MLLT10: variants seen among roughly 807,000 people sequenced by gnomAD.
The protein encoded by MLLT10 is MLLT10 histone lysine methyltransferase DOT1L cofactor.
Under a neutral mutation model 129.1 loss-of-function variants are expected in MLLT10, and 30 were observed. The observed-to-expected ratio is 0.23, with a 90% confidence interval of 0.17 to 0.32. The LOEUF is 0.32. MLLT10 is among the 10% of genes least tolerant of loss of function. MLLT10 has a pLI of 1.00. For missense variants in MLLT10, 1,119 were observed against 1,268.3 expected (o/e 0.88, Z 1.79); for synonymous variants, 490 against 446.4 (o/e 1.10, Z -1.23).
At chr10:21,547,460 T>C (rs2036273957) in intron 3 of MLLT10, among the ~76,000 whole-genome samples, 1 of 151,260 alleles carries the variant, frequency 6.6e-6, no homozygotes, top group African/African-American at 2.4e-5. Context: ...GGTCTGGAAC[T>C]CTTGGGCTCA....
intron 5 of MLLT10, among the ~76,000 whole-genome samples, chr10:21,602,110 C>G (rs2043594401): frequency 1.3e-5 from 2 of 152,132 alleles, no homozygotes; most frequent in South Asian, 4.1e-4. Flanking sequence ...GTATAAGCAC[C>G]TGGATTTAGA....
At chr10:21,716,421 G>C (rs765487773) in intron 14 of MLLT10, among the ~76,000 whole-genome samples, 3 of 152,118 alleles carry the variant, frequency 2.0e-5, no homozygotes, top group Non-Finnish European at 4.4e-5. Flanking sequence ...GGCTGGGCGT[G>C]GTGGCTCATG....
At chr10:21,607,472 C>G (rs532447158) in intron 5 of MLLT10, among the ~76,000 whole-genome samples, 2 of 152,098 alleles carry the variant, frequency 1.3e-5, no homozygotes, top group East Asian at 3.9e-4. Context: ...AGGCATGCGT[C>G]ACCACGCTCA....
rs34367086 is a variant in MLLT10, at chr10:21,563,791, GTATTATTAT to G, written c.241-22474_241-22466del. Reference sequence around the variant, plus strand: ...GGCGGGTAGTGATATCTCACTGTGTGTATTATTATTATTATTATTATTATTATTATTATT... The same window carrying G: ...GGCGGGTAGTGATATCTCACTGTGTGTATTATTATTATTATTATTATTATT... On this transcript the variant is annotated intron_variant, in intron 3 of 22. Coordinates refer to ENST00000307729, the MANE Select transcript of MLLT10 (RefSeq NM_001195626.3). 9.4e-4 allele frequency among the ~76,000 whole-genome samples: 137 copies of G among 145,650 alleles called. 1 individual carries two copies. Among genetic ancestry groups the G allele is most frequent in the South Asian group, 5.2e-3 (24 of 4,596 alleles).
intron 9 of MLLT10, among the ~76,000 whole-genome samples, chr10:21,667,894 G>A (rs2050986780): frequency 6.6e-6 from 1 of 152,056 alleles, no homozygotes; most frequent in Non-Finnish European, 1.5e-5. Flanking sequence ...GTATATTGGT[G>A]TTGCAGCTTA....
chr10:21,590,677 G>C (rs1204067900), intron 4 of MLLT10, among the ~76,000 whole-genome samples: 1 of 152,112 alleles, frequency 6.6e-6, no homozygotes, highest in Admixed American at 6.5e-5. Context: ...AATTTTGCTA[G>C]CAATGGTAGT....
chr10:21,588,955 C>G (rs570391737), intron 4 of MLLT10, among the ~76,000 whole-genome samples: 16 of 151,898 alleles, frequency 1.1e-4, no homozygotes, highest in African/African-American at 3.4e-4. Flanking sequence ...ACCCGAATAG[C>G]TGGGATTATA....
At chr10:21,627,502 A>G (rs557105702) in intron 8 of MLLT10, among the ~76,000 whole-genome samples, 1 of 152,314 alleles carries the variant, frequency 6.6e-6, no homozygotes, top group East Asian at 1.9e-4. Flanking sequence ...TTTAGCTGTC[A>G]TGTCTATTCA....
chr10:21,651,272 G>A (rs182165218), intron 8 of MLLT10, among the ~76,000 whole-genome samples: 2 of 152,040 alleles, frequency 1.3e-5, no homozygotes, highest in African/African-American at 2.4e-5. Context: ...GGGTTTCACC[G>A]TGTTGGTCAG....
chr10:21,735,817 G>T (rs754442160), intron 21 of MLLT10, among the ~76,000 whole-genome samples: 1 of 152,050 alleles, frequency 6.6e-6, no homozygotes, highest in South Asian at 2.1e-4. Flanking sequence ...GGTGGGAGAG[G>T]TCAGAGCCAA....
Position 21,560,518 on chromosome 10 carries a change from C to T in MLLT10, c.240+21606C>T, listed in dbSNP as rs191756106. Among the ~76,000 whole-genome samples the T allele has an allele frequency of 5.8e-4, 89 of 152,194 alleles. 2 individuals carry two copies. Among genetic ancestry groups the T allele is most frequent in the South Asian group, 2.1e-4 (1 of 4,810 alleles). On this transcript the variant is annotated intron_variant, in intron 3 of 22. Coordinates refer to ENST00000307729, the MANE Select transcript of MLLT10 (RefSeq NM_001195626.3). ...GTGGCTTAAACATGGCTCACTGGAG[C>T]GTCAACCTCCTGGGATCAGGCAGTT...
At chr10:21,625,248 C>G in intron 8 of MLLT10, 1 of 1,257,366 alleles carries the variant, frequency 8.0e-7, no homozygotes, top group Non-Finnish European at 1.2e-6. Context: ...TTGGCTAAGA[C>G]TATTTCAAGT....
chr10:21,708,843 C>T (rs1474455442), intron 13 of MLLT10: 1 of 653,774 alleles, frequency 1.5e-6, no homozygotes, highest in Non-Finnish European at 1.9e-6. Flanking sequence ...GTGTACTTTC[C>T]TGACTTACAG....
intron 8 of MLLT10, among the ~76,000 whole-genome samples, chr10:21,624,212 A>G (rs1245739182): frequency 1.3e-5 from 2 of 152,172 alleles, no homozygotes; most frequent in African/African-American, 4.8e-5. Context: ...TTGTATTTTT[A>G]TTTACAGCAT....
intron 3 of MLLT10, among the ~76,000 whole-genome samples, chr10:21,582,160 G>T (rs1048263956): frequency 6.6e-6 from 1 of 150,470 alleles, no homozygotes; most frequent in Admixed American, 6.6e-5. Flanking sequence ...CTCTTTCTCT[G>T]TTGCCCAGGC....
At chr10:21,738,291 G>A (rs2058546473) in intron 21 of MLLT10, 2 of 760,232 alleles carry the variant, frequency 2.6e-6, no homozygotes, top group African/African-American at 1.9e-5. Flanking sequence ...CTTAAATGCT[G>A]ACACTAAGAT....
In MLLT10 at chr10:21,695,036, G is replaced by A. The variant is rs114582204; in HGVS notation, c.1699+12779G>A. On this transcript the variant is annotated intron_variant, in intron 13 of 22. Coordinates refer to ENST00000307729, the MANE Select transcript of MLLT10 (RefSeq NM_001195626.3). ...CGCATCTCTCACTTTCTCTTCTGCCGCATCTTTCACTGACTTTCTACCTTC... is the reference window on the plus strand; with the variant it reads ...CGCATCTCTCACTTTCTCTTCTGCCACATCTTTCACTGACTTTCTACCTTC... Among the ~76,000 whole-genome samples, 859 of 149,108 alleles carry A rather than the reference G, an allele frequency of 5.8e-3. 6 individuals carry two copies. The highest frequency in any genetic ancestry group is 0.019 in the African/African-American group (779 of 40,586).
At chr10:21,723,370 A>G (rs2057264941) in intron 14 of MLLT10, among the ~76,000 whole-genome samples, 1 of 152,190 alleles carries the variant, frequency 6.6e-6, no homozygotes, top group African/African-American at 2.4e-5. Context: ...TTCCTAAAAA[A>G]GAGTATATTT....
At chr10:21,723,340 G>A (rs930410738) in intron 14 of MLLT10, among the ~76,000 whole-genome samples, 2 of 152,052 alleles carry the variant, frequency 1.3e-5, no homozygotes, top group African/African-American at 2.4e-5. Context: ...TTAATATAAA[G>A]CCCTTGGCAG....
Sources: gnomAD v4.1 joint callset for allele counts (sites outside exome capture counted in the v4.1 genomes callset) on GRCh38, gnomAD v4.1.1 for gene constraint, MANE v1.5 for transcripts, NCBI Gene and HGNC (gene_info 2026-07-23, HGNC 2026-07-21) for gene names.